Variants in RALGAPA1 observed in about 807,000 individuals in gnomAD.
RALGAPA1 encodes Ral GTPase activating protein catalytic subunit alpha 1, also known as ral GTPase-activating protein subunit alpha-1.
In RALGAPA1, 52 loss-of-function variants were observed where a neutral mutation model predicts 269.6. The observed-to-expected ratio is 0.19, with a 90% CI of 0.15 to 0.24. The LOEUF is 0.24. Among genes scored for constraint, RALGAPA1 ranks in the 10% least tolerant of loss-of-function variants. The probability of loss-of-function intolerance (pLI) is 1.00; values close to 1 mark genes in which losing one functional copy is unlikely to be tolerated. For synonymous variants in RALGAPA1, 817 were observed against 1,008.3 expected, an observed-to-expected ratio of 0.81 and a Z score of 3.60; for missense variants, 1,917 against 3,013.9, an observed-to-expected ratio of 0.64 and a Z score of 8.52.
chr14:35,722,576 T>A (rs908180534), intron 15 of RALGAPA1, among the ~76,000 whole-genome samples: 1 of 150,616 alleles, frequency 6.6e-6, no homozygotes, highest in Non-Finnish European at 1.5e-5. Context: ...TGTGCTACTA[T>A]ACTCTAGCCT....
At chr14:35,665,127 C>T (rs537966474) in intron 26 of RALGAPA1, among the ~76,000 whole-genome samples, 22 of 152,146 alleles carry the variant, frequency 1.4e-4, no homozygotes, top group Admixed American at 4.6e-4. Flanking sequence ...AAGCTGATGA[C>T]TTAATTTCAC....
At chr14:35,761,048 G>A (rs1344760154) in intron 5 of RALGAPA1, 42 bp from the exon 6 acceptor site, 1 of 1,426,408 alleles carries the variant, frequency 7.0e-7, no homozygotes, top group South Asian at 1.4e-5. Flanking sequence ...ATTTATAATG[G>A]AAATATTTTC....
At chr14:35,658,390 T>G in intron 28 of RALGAPA1, among the ~76,000 whole-genome samples, 1 of 152,178 alleles carries the variant, frequency 6.6e-6, no homozygotes, top group East Asian at 1.9e-4. Context: ...TTTTGAACTT[T>G]GGGTCAAAAA....
intron 22 of RALGAPA1, among the ~76,000 whole-genome samples, chr14:35,675,336 C>T (rs374949254): frequency 9.9e-5 from 15 of 152,228 alleles, no homozygotes; most frequent in Non-Finnish European, 1.3e-4. Flanking sequence ...CCACCACATC[C>T]GGCTAATTTT....
At chr14:35,657,479 C>G (rs1360696846) in intron 28 of RALGAPA1, among the ~76,000 whole-genome samples, 4 of 151,712 alleles carry the variant, frequency 2.6e-5, no homozygotes, top group African/African-American at 4.8e-5. Flanking sequence ...CACGAGCCAC[C>G]ACGCCTGGCC....
At chr14:35,755,206 T>C (rs1297180162) in intron 7 of RALGAPA1, among the ~76,000 whole-genome samples, 1 of 151,822 alleles carries the variant, frequency 6.6e-6, no homozygotes, top group African/African-American at 2.4e-5. Context: ...AAAAAAAGTT[T>C]TAGTTCGCCA....
At chr14:35,703,614 C>A (rs1482654881) in intron 16 of RALGAPA1, among the ~76,000 whole-genome samples, 6 of 152,248 alleles carry the variant, frequency 3.9e-5, no homozygotes, top group Non-Finnish European at 8.8e-5. Flanking sequence ...AGCTATGCAA[C>A]CCTCACTATA....
intron 37 of RALGAPA1, among the ~76,000 whole-genome samples, chr14:35,587,611 T>C (rs1422638974): frequency 6.6e-6 from 1 of 151,942 alleles, no homozygotes; most frequent in Non-Finnish European, 1.5e-5. Flanking sequence ...GAGCAAACTA[T>C]TGCAAGGACA....
chr14:35,793,651 CA>C (rs2076355735), intron 1 of RALGAPA1, among the ~76,000 whole-genome samples: 1 of 152,104 alleles, frequency 6.6e-6, no homozygotes, highest in Non-Finnish European at 1.5e-5. Context: ...TAACCAAACA[CA>C]ACAACAACAA....
intron 4 of RALGAPA1, among the ~76,000 whole-genome samples, chr14:35,765,072 C>T (rs1355908529): frequency 6.6e-6 from 1 of 152,118 alleles, no homozygotes; most frequent in African/African-American, 2.4e-5. Flanking sequence ...AAGTGTAGTA[C>T]TATTTCGGGA....
At chr14:35,667,421 T>C (rs1308772461) in intron 26 of RALGAPA1, among the ~76,000 whole-genome samples, 1 of 151,910 alleles carries the variant, frequency 6.6e-6, no homozygotes, top group Non-Finnish European at 1.5e-5. Context: ...ACAACAAAAC[T>C]TAACTGTTTA....
chr14:35,701,734 T>C (rs1048996759), intron 16 of RALGAPA1, among the ~76,000 whole-genome samples: 26 of 152,094 alleles, frequency 1.7e-4, no homozygotes, highest in Non-Finnish European at 2.8e-4. Context: ...CCTGAACTCC[T>C]GGACTCAAGC....
chr14:35,630,110 C>T (rs2061264408), intron 33 of RALGAPA1, among the ~76,000 whole-genome samples: 3 of 152,176 alleles, frequency 2.0e-5, no homozygotes, highest in Admixed American at 2.0e-4. Context: ...ATAGGCAAAC[C>T]AACCAACCAG....
rs1403042188 is a variant in RALGAPA1 at position 35,688,628 on chromosome 14, C to T, written c.3783G>A (p.Glu1261=). 6.5e-7 allele frequency: 1 copy of T among 1,533,982 alleles called. No individual in the cohort carries two copies. Among genetic ancestry groups the T allele is most frequent in the Non-Finnish European group, 8.7e-7 (1 of 1,146,330 alleles). Residue 1261 remains glutamate (E), a synonymous_variant, in exon 18 of 42, where the codon GAG becomes GAA. Transcript: ENST00000680220. The part of the protein sequence containing the change: ...SRSTLRSSSH[E]AGLQQGSLGG... ...CCAGGGAGCCCTGCTGTAGTCCTGC[C>T]TCATGACTTGATGACCTAAGAGTAC...
At chr14:35,727,132 G>C (rs910382242) in intron 13 of RALGAPA1, among the ~76,000 whole-genome samples, 1 of 151,214 alleles carries the variant, frequency 6.6e-6, no homozygotes, top group Non-Finnish European at 1.5e-5. Context: ...TGACTAAGTA[G>C]TCTTCTTTCT....
chr14:35,625,696 A>C (rs2060951507), intron 34 of RALGAPA1, among the ~76,000 whole-genome samples: 1 of 152,192 alleles, frequency 6.6e-6, no homozygotes, highest in African/African-American at 2.4e-5. Flanking sequence ...TCCTAAACTC[A>C]TATCCAGGAA....
At chr14:35,548,879 T>C (rs1308008804) in intron 40 of RALGAPA1, among the ~76,000 whole-genome samples, 1 of 152,166 alleles carries the variant, frequency 6.6e-6, no homozygotes. Context: ...GAATATTAGC[T>C]CATATAAAAT....
Position 35,548,580 on chromosome 14 carries a change from G to A in RALGAPA1, c.7622-42C>T. The A allele has an allele frequency of 2.2e-6, 3 of 1,382,276 alleles. No individual in the cohort carries two copies. The East Asian group carries it at 7.2e-5, about 33-fold the overall frequency. 85.6% of individuals were successfully genotyped at this position (1,382,276 alleles called of 1,614,324 possible). ...AATGAAACAATCATAAGGAGAGCAA[G>A]ATATTACAGAATAGGAAGGCCACGA... On this transcript the variant is annotated intron_variant, in intron 40 of 41. Coordinates refer to ENST00000680220, the MANE Select transcript of RALGAPA1 (RefSeq NM_001346249.2).
At chr14:35,770,454 T>C (rs746102637) in intron 4 of RALGAPA1, among the ~76,000 whole-genome samples, 4 of 151,274 alleles carry the variant, frequency 2.6e-5, no homozygotes, top group Non-Finnish European at 5.9e-5. Context: ...ATCAAAGGCA[T>C]CTGATTAAAA....
Sources: gnomAD v4.1 joint callset for allele counts (sites outside exome capture counted in the v4.1 genomes callset) on GRCh38, gnomAD v4.1.1 for gene constraint, MANE v1.5 for transcripts, NCBI Gene and HGNC (gene_info 2026-07-23, HGNC 2026-07-21) for gene names.